The following FIGN variants were observed in gnomAD, a reference collection of about 807,000 sequenced individuals.
The protein encoded by FIGN is fidgetin.
Under a neutral mutation model 51.3 loss-of-function variants are expected in FIGN, and 11 were observed. The observed-to-expected ratio is 0.21, with a 90% CI of 0.13 to 0.35. FIGN has a LOEUF of 0.35. FIGN is among the 10% of genes least tolerant of loss of function. FIGN has a pLI of 1.00. For synonymous variants in FIGN, 407 were observed against 363.2 expected, an observed-to-expected ratio of 1.12 and a Z score of -1.37; for missense variants, 857 against 943.6, an observed-to-expected ratio of 0.91 and a Z score of 1.20.
intron 2 of FIGN, among the ~76,000 whole-genome samples, chr2:163,662,518 C>CG (rs1355497561): frequency 1.3e-5 from 2 of 152,164 alleles, no homozygotes; most frequent in Non-Finnish European, 2.9e-5. Context: ...CCCAAGACCA[C>CG]GGGGAAAATG....
At position 163,654,778 on chromosome 2, in the gene FIGN, T is replaced by C. The variant is rs182710870; in HGVS notation, c.26-42972A>G. Among the ~76,000 whole-genome samples the C allele has an allele frequency of 6.1e-4, 93 of 152,290 alleles. 1 individual carries two copies. The highest frequency in any genetic ancestry group is 2.1e-3 in the African/African-American group (89 of 41,574). On this transcript the variant is annotated intron_variant, in intron 2 of 2. Transcript: ENST00000333129. ...AGGTGAAGGATACCTCATTTACATG[T>C]GTATGCTCGTATCAAAATATCTCAT...
chr2:163,661,254 T>A (rs895864685), intron 2 of FIGN, among the ~76,000 whole-genome samples: 10 of 151,378 alleles, frequency 6.6e-5, no homozygotes, highest in South Asian at 2.1e-4. Context: ...TATTATTATT[T>A]TTTGAGACAG....
chr2:163,621,314 G>A (rs1019736354), intron 2 of FIGN, among the ~76,000 whole-genome samples: 2 of 152,096 alleles, frequency 1.3e-5, no homozygotes, highest in Non-Finnish European at 2.9e-5. Context: ...AATTTTTAAT[G>A]CAATAGCAAA....
chr2:163,697,852 G>A (rs551331583), intron 2 of FIGN, among the ~76,000 whole-genome samples: 5 of 152,184 alleles, frequency 3.3e-5, no homozygotes. Context: ...AAATTGCACT[G>A]AGCAATCATA....
At chr2:163,686,606 C>T (rs986435875) in intron 2 of FIGN, among the ~76,000 whole-genome samples, 2 of 152,046 alleles carry the variant, frequency 1.3e-5, no homozygotes, top group Non-Finnish European at 2.9e-5. Context: ...CACAAGCACA[C>T]TAGTTTTATT....
intron 2 of FIGN, among the ~76,000 whole-genome samples, chr2:163,660,880 T>TG (rs1491524841): frequency 0.03 from 30 of 984 alleles, 2 homozygotes; most frequent in South Asian, 0.25. Flanking sequence ...TATATATATA[T>TG]TTTTTTTTTT....
intron 2 of FIGN, among the ~76,000 whole-genome samples, chr2:163,712,651 T>C (rs559052848): frequency 6.6e-6 from 1 of 150,862 alleles, no homozygotes; most frequent in Non-Finnish European, 1.5e-5. Flanking sequence ...GTTGTGAGGT[T>C]TTTTTTAAGG....
chr2:163,679,697 T>C (rs1684029476), intron 2 of FIGN, among the ~76,000 whole-genome samples: 1 of 152,226 alleles, frequency 6.6e-6, no homozygotes. Flanking sequence ...CAATTTTCCT[T>C]GGTTCCTTGC....
At chr2:163,667,437 C>G (rs943844204) in intron 2 of FIGN, among the ~76,000 whole-genome samples, 16 of 151,998 alleles carry the variant, frequency 1.1e-4, no homozygotes, top group Non-Finnish European at 2.1e-4. Flanking sequence ...AGGAGGAAGT[C>G]TAAGCTTCCT....
intron 2 of FIGN, among the ~76,000 whole-genome samples, chr2:163,703,730 AT>A (rs1684446394): frequency 6.6e-6 from 1 of 152,072 alleles, no homozygotes; most frequent in Non-Finnish European, 1.5e-5. Context: ...CTCTACTCAT[AT>A]ATGGGCACTG....
chr2:163,660,368 C>G (rs1203616052), intron 2 of FIGN, among the ~76,000 whole-genome samples: 1 of 151,854 alleles, frequency 6.6e-6, no homozygotes, highest in Non-Finnish European at 1.5e-5. Context: ...GGTATCTGAT[C>G]TAATAGGTGG....
intron 2 of FIGN, among the ~76,000 whole-genome samples, chr2:163,636,386 A>T (rs981834200): frequency 6.6e-6 from 1 of 152,164 alleles, no homozygotes; most frequent in African/African-American, 2.4e-5. Flanking sequence ...CCTGGGTTCA[A>T]GTGATTCTCC....
intron 2 of FIGN, among the ~76,000 whole-genome samples, chr2:163,620,407 T>C (rs530828126): frequency 6.6e-6 from 1 of 152,168 alleles, no homozygotes; most frequent in Admixed American, 6.6e-5. Context: ...ATGTATGTTC[T>C]GTGTCACAAC....
chr2:163,680,603 C>A (rs1684045332), intron 2 of FIGN, among the ~76,000 whole-genome samples: 1 of 152,088 alleles, frequency 6.6e-6, no homozygotes, highest in South Asian at 2.1e-4. Context: ...TCCTTTTGTT[C>A]ATGCTGCTTG....
At chr2:163,707,412 C>T (rs1266302659) in intron 2 of FIGN, among the ~76,000 whole-genome samples, 3 of 151,962 alleles carry the variant, frequency 2.0e-5, no homozygotes, top group Non-Finnish European at 2.9e-5. Flanking sequence ...TCATTTTATT[C>T]TCTAGTGGGT....
intron 2 of FIGN, among the ~76,000 whole-genome samples, chr2:163,629,176 G>C (rs184553673): frequency 3.7e-4 from 57 of 152,274 alleles, no homozygotes; most frequent in Middle Eastern, 3.4e-3. Flanking sequence ...ATTTTAAGGA[G>C]TAGGAAATGA....
At chr2:163,669,344 T>C (rs980829292) in intron 2 of FIGN, among the ~76,000 whole-genome samples, 4 of 152,166 alleles carry the variant, frequency 2.6e-5, no homozygotes, top group Non-Finnish European at 4.4e-5. Context: ...CCTGAGTAGC[T>C]GGGACTACAG....
chr2:163,666,671 A>T (rs1449431591), intron 2 of FIGN, among the ~76,000 whole-genome samples: 1 of 152,200 alleles, frequency 6.6e-6, no homozygotes, highest in Non-Finnish European at 1.5e-5. Context: ...TTAATGACCC[A>T]GTGGAACCCA....
At chr2:163,626,830 C>T (rs1338424013) in intron 2 of FIGN, among the ~76,000 whole-genome samples, 1 of 152,052 alleles carries the variant, frequency 6.6e-6, no homozygotes, top group Non-Finnish European at 1.5e-5. Context: ...CCACTAAAAC[C>T]GAGATAGTGA....
Sources: allele counts gnomAD v4.1 joint callset (sites outside exome capture counted in the v4.1 genomes callset), GRCh38; gene constraint gnomAD v4.1.1; transcripts MANE v1.5; gene names NCBI Gene and HGNC (gene_info 2026-07-23, HGNC 2026-07-21).